GALNTL6: variants seen among roughly 807,000 people sequenced by gnomAD.
GALNTL6 encodes the protein polypeptide N-acetylgalactosaminyltransferase like 6, also known as polypeptide N-acetylgalactosaminyltransferase-like 6.
A neutral mutation model predicts 73.7 loss-of-function variants in GALNTL6; 46 were observed. The ratio of observed to expected loss-of-function variants is 0.62; its 90% confidence interval spans 0.49 to 0.80. The LOEUF (loss-of-function observed/expected upper bound fraction) is 0.80, where lower values mean the gene tolerates loss of function less well. Ranked by LOEUF, GALNTL6 falls within the 30% of genes least tolerant of loss-of-function variation. The pLI is 0.00. For synonymous variants in GALNTL6, 259 were observed against 263.7 expected (o/e 0.98, Z 0.17); for missense variants, 604 against 755.0 (o/e 0.80, Z 2.34).
intron 2 of GALNTL6, among the ~76,000 whole-genome samples, chr4:172,100,833 A>G (rs1008184205): frequency 1.3e-5 from 2 of 151,870 alleles, no homozygotes; most frequent in African/African-American, 4.8e-5. Flanking sequence ...TGACCCAAAG[A>G]CTCCATCCTC....
At chr4:172,130,323 A>G (rs926491545) in intron 2 of GALNTL6, among the ~76,000 whole-genome samples, 9 of 151,754 alleles carry the variant, frequency 5.9e-5, no homozygotes, top group African/African-American at 2.2e-4. Context: ...TAAGTTTAAT[A>G]TAATTACTTT....
At chr4:173,025,483 T>C (rs1359866392) in intron 12 of GALNTL6, among the ~76,000 whole-genome samples, 2 of 152,192 alleles carry the variant, frequency 1.3e-5, no homozygotes, top group African/African-American at 4.8e-5. Flanking sequence ...GCCATTTCTA[T>C]AGCCAGCCCC....
intron 2 of GALNTL6, among the ~76,000 whole-genome samples, chr4:172,119,693 C>T (rs1024714984): frequency 7.9e-5 from 12 of 152,228 alleles, no homozygotes; most frequent in African/African-American, 2.9e-4. Context: ...GTAACAAAAA[C>T]AGTCATAAAC....
rs11941842 is a variant in GALNTL6, at chr4:172,143,018, C to T, written c.139-86638C>T. 9.7e-3 allele frequency among the ~76,000 whole-genome samples: 1,474 copies of T among 151,796 alleles called. 25 individuals are homozygous for T. Among genetic ancestry groups the T allele is most frequent in the African/African-American group, 0.033 (1,382 of 41,360 alleles). On this transcript the variant is annotated intron_variant, in intron 2 of 12. Coordinates refer to ENST00000506823, the MANE Select transcript of GALNTL6 (RefSeq NM_001034845.3). ...ATGTATGGATAGATAGATAGATAGACAGATAGATAGATAATGTCAATTCAT... is the reference window on the plus strand; with the variant it reads ...ATGTATGGATAGATAGATAGATAGATAGATAGATAGATAATGTCAATTCAT...
chr4:172,668,660 T>C (rs1213143638), intron 5 of GALNTL6: 2 of 152,154 alleles, frequency 1.3e-5, no homozygotes, highest in African/African-American at 4.8e-5. Flanking sequence ...TCACAATCTA[T>C]TGGCCTCTCT....
rs924314108 is a variant in GALNTL6, at chr4:171,863,996, A to G, written c.138+49278A>G. Among the ~76,000 whole-genome samples, 19 of 152,210 alleles carry G rather than the reference A, an allele frequency of 1.2e-4. No individual in the cohort carries two copies. In the South Asian group the frequency reaches 2.9e-3, roughly 23 times the overall value. On this transcript the variant is annotated intron_variant, in intron 2 of 12. Coordinates refer to ENST00000506823, the MANE Select transcript of GALNTL6 (RefSeq NM_001034845.3). ...AGGCTGGTCTCGACCTCCTGCCCTC[A>G]GGTGATCCACCTGCCTCGGCCTCCC...
chr4:172,916,208 A>G (rs1382561382), intron 8 of GALNTL6, among the ~76,000 whole-genome samples: 1 of 151,792 alleles, frequency 6.6e-6, no homozygotes, highest in East Asian at 1.9e-4. Context: ...CCTTCATGCT[A>G]AAAACACTCA....
chr4:172,613,633 GT>G (rs1362327537), intron 5 of GALNTL6, among the ~76,000 whole-genome samples: 2 of 152,040 alleles, frequency 1.3e-5, no homozygotes, highest in African/African-American at 4.8e-5. Context: ...AGCAAAATGT[GT>G]TTTTTGGAAT....
At chr4:171,891,045 G>T (rs558182887) in intron 2 of GALNTL6, among the ~76,000 whole-genome samples, 2 of 152,102 alleles carry the variant, frequency 1.3e-5, no homozygotes, top group South Asian at 4.2e-4. Context: ...TCCTACTCAG[G>T]CTTGCTTATT....
At chr4:171,856,671 C>G (rs1236880198) in intron 2 of GALNTL6, among the ~76,000 whole-genome samples, 1 of 152,070 alleles carries the variant, frequency 6.6e-6, no homozygotes, top group Non-Finnish European at 1.5e-5. Context: ...GTGAGAGCAC[C>G]ATTTATTGAA....
At chr4:172,240,213 A>C (rs556924514) in intron 3 of GALNTL6, among the ~76,000 whole-genome samples, 70 of 117,038 alleles carry the variant, frequency 6.0e-4, no homozygotes, top group African/African-American at 1.8e-3. Context: ...TGTTTTTTGA[A>C]GTTTTTGTTT....
rs533564281 is a variant in GALNTL6 at position 172,672,373 on chromosome 4, A to G, written c.554-136988A>G. On this transcript the variant is annotated intron_variant, in intron 5 of 12. Transcript: ENST00000506823. Reference sequence around the variant, plus strand: ...GGAATAAAGCCTACTTAATCATGGTACCTACACTTTTTGATAGATAACCTG... The same window carrying G: ...GGAATAAAGCCTACTTAATCATGGTGCCTACACTTTTTGATAGATAACCTG... Among the ~76,000 whole-genome samples, 9 of 152,290 alleles carry G rather than the reference A, an allele frequency of 5.9e-5. No individual in the cohort carries two copies. The East Asian group carries it at 1.7e-3, about 29-fold the overall frequency.
chr4:172,311,694 A>G lies in GALNTL6; in HGVS notation c.328A>G (p.Ile110Val), dbSNP rs1209501199. The G allele has an allele frequency of 3.1e-6, 5 of 1,611,204 alleles. No individual in the cohort carries two copies. Among genetic ancestry groups the G allele is most frequent in the Non-Finnish European group, 4.2e-6 (5 of 1,178,210 alleles). Residue 110 changes from isoleucine (I) to valine (V), a missense_variant, in exon 4 of 13, where the codon ATT (isoleucine) becomes GTT (valine). By Grantham distance (29) the Ile-to-Val change is conservative (BLOSUM62 3). This residue lies in a region of GALNTL6 where 141 missense variants were observed against 156.6 expected (regional missense o/e 0.90). Transcript: ENST00000506823. ...DSAYRENGFN[I>V]FVSNNIALER... ...AGCTTACAGGGAAAATGGTTTTAAT[A>G]TTTTCGTCAGCAACAATATTGCTCT...
At chr4:172,441,502 G>A (rs974435164) in intron 5 of GALNTL6, among the ~76,000 whole-genome samples, 1 of 152,066 alleles carries the variant, frequency 6.6e-6, no homozygotes, top group African/African-American at 2.4e-5. Context: ...GGTTTTTTCA[G>A]CTCTCATGCC....
chr4:172,856,743 T>C (rs1744142998), intron 7 of GALNTL6, among the ~76,000 whole-genome samples: 1 of 152,356 alleles, frequency 6.6e-6, no homozygotes, highest in Middle Eastern at 3.4e-3. Context: ...TTTTATTCTT[T>C]ATGGTAAAGG....
chr4:173,022,803 A>G (rs1753070301), intron 12 of GALNTL6, among the ~76,000 whole-genome samples: 1 of 152,128 alleles, frequency 6.6e-6, no homozygotes, highest in Admixed American at 6.5e-5. Flanking sequence ...TATTGAGTTA[A>G]TAAAATAAAG....
chr4:172,399,970 T>C (rs1379208382), intron 5 of GALNTL6, among the ~76,000 whole-genome samples: 1 of 152,204 alleles, frequency 6.6e-6, no homozygotes, highest in East Asian at 1.9e-4. Context: ...CCATTTGTTC[T>C]CAGACATACA....
At chr4:172,801,510 T>A (rs143129680) in intron 5 of GALNTL6, among the ~76,000 whole-genome samples, 79 of 152,294 alleles carry the variant, frequency 5.2e-4, no homozygotes, top group African/African-American at 1.8e-3. Flanking sequence ...CTATAAGGTA[T>A]TGCCCACATA....
chr4:172,818,951 T>C (rs1741772100), intron 7 of GALNTL6, among the ~76,000 whole-genome samples: 1 of 152,194 alleles, frequency 6.6e-6, no homozygotes, highest in Non-Finnish European at 1.5e-5. Flanking sequence ...ACATATCAGT[T>C]TGAATTCAGT....
Sources: gnomAD v4.1 joint callset for allele counts (sites outside exome capture counted in the v4.1 genomes callset) on GRCh38, gnomAD v4.1.1 for gene constraint, gnomAD v4.1.1 regional missense constraint, MANE v1.5 for transcripts, NCBI Gene and HGNC (gene_info 2026-07-23, HGNC 2026-07-21) for gene names.